Variants in ALMS1 observed in about 807,000 individuals in gnomAD.
ALMS1 encodes the protein ALMS1 centrosome and basal body associated protein, also known as centrosome-associated protein ALMS1.
ALMS1 carries 271 observed loss-of-function variants against 352.2 expected under a neutral mutation model. The observed-to-expected ratio is 0.77, with a 90% confidence interval of 0.70 to 0.85. ALMS1 has a LOEUF of 0.85. Among genes scored for constraint, ALMS1 ranks in the 40% least tolerant of loss-of-function variants. ALMS1 has a pLI of 0.00. For synonymous variants in ALMS1, 1,865 were observed against 1,761.2 expected, an observed-to-expected ratio of 1.06 and a Z score of -1.48; for missense variants, 5,445 against 4,870.7, an observed-to-expected ratio of 1.12 and a Z score of -3.51.
chr2:73,537,727 CCGGG>C (rs1364220504), intron 12 of ALMS1, among the ~76,000 whole-genome samples: 2 of 152,156 alleles, frequency 1.3e-5, no homozygotes, highest in African/African-American at 4.8e-5. Context: ...AATGTCCAGG[CCGGG>C]TGCGGTGGCT....
At chr2:73,521,175 G>C (rs1316899875) in intron 11 of ALMS1, among the ~76,000 whole-genome samples, 1 of 152,026 alleles carries the variant, frequency 6.6e-6, no homozygotes, top group African/African-American at 2.4e-5. Context: ...AAATTATCAC[G>C]AAGAACACCT....
intron 9 of ALMS1, among the ~76,000 whole-genome samples, chr2:73,464,243 C>A (rs1359703177): frequency 6.6e-6 from 1 of 152,144 alleles, no homozygotes; most frequent in African/African-American, 2.4e-5. Flanking sequence ...AAAGCTTATC[C>A]ACCATGATCA....
chr2:73,498,443 TG>T (rs1246442361), intron 10 of ALMS1, among the ~76,000 whole-genome samples: 4 of 152,088 alleles, frequency 2.6e-5, no homozygotes, highest in Non-Finnish European at 4.4e-5. Context: ...TATTTTAAAA[TG>T]TACAGTCATT....
chr2:73,494,123 A>T (rs73947808), intron 10 of ALMS1, among the ~76,000 whole-genome samples: 1 of 152,036 alleles, frequency 6.6e-6, no homozygotes, highest in South Asian at 2.1e-4. Flanking sequence ...ATGACACCTA[A>T]GCTTCCCTTA....
intron 10 of ALMS1, among the ~76,000 whole-genome samples, chr2:73,500,598 AG>A (rs1403021734): frequency 1.3e-5 from 2 of 152,140 alleles, no homozygotes; most frequent in Admixed American, 6.6e-5. Context: ...ATAAGGAAAA[AG>A]GGGATTCCAC....
Position 73,603,285 on chromosome 2 carries a change from A to G in ALMS1, c.12343A>G (p.Met4115Val), listed in dbSNP as rs760436393. Residue 4115 changes from methionine to valine, a missense_variant, in exon 21 of 23, where the codon ATG becomes GTG. Physicochemically the swap from Met to Val is conservative, Grantham distance 21. Transcript: ENST00000613296. ...QKNKPISKKEMIQRSKRIYEQ... is the reference protein window; with the variant it reads ...QKNKPISKKEVIQRSKRIYEQ... ...GAACAAGCCTATCAGCAAGAAGGAAATGATTCAGAGGTCCAAACGGTAAGA... is the reference window on the plus strand; with the variant it reads ...GAACAAGCCTATCAGCAAGAAGGAAGTGATTCAGAGGTCCAAACGGTAAGA... 3.7e-6 allele frequency: 6 copies of G among 1,614,198 alleles called. No individual in the cohort carries two copies. The highest frequency in any genetic ancestry group is 2.2e-5 in the South Asian group (2 of 91,090).
intron 1 of ALMS1, 116 bp downstream of exon 1, chr2:73,386,308 G>A (rs879709360): frequency 5.1e-6 from 7 of 1,364,700 alleles, no homozygotes; most frequent in Non-Finnish European, 6.7e-6. Context: ...GCGCGCAGCT[G>A]AGGCTAGTAG....
Position 73,450,855 on chromosome 2 carries a change from T to G in ALMS1, c.4328T>G (p.Leu1443Trp), listed in dbSNP as rs1671921456. The G allele has an allele frequency of 3.7e-6, 6 of 1,614,144 alleles. No homozygotes were observed. The East Asian group carries it at 1.3e-4, about 36-fold the overall frequency. Residue 1443 changes from leucine to tryptophan, a missense_variant, in exon 8 of 23, where the codon TTG (leucine) becomes TGG (tryptophan). Transcript: ENST00000613296. ...CCTGGTAGTTTCTACCAACAGGTCT[T>G]GCCACATAGTCATCTACCTGAAGAG... ...EKPGSFYQQV[L>W]PHSHLPEEAL... is the part of the protein sequence containing the mutation.
chr2:73,538,126 C>A (rs6729468), intron 12 of ALMS1, among the ~76,000 whole-genome samples: 75,113 of 152,022 alleles, frequency 0.49, 21,474 homozygotes, highest in African/African-American at 0.8. Context: ...TGACTCACAG[C>A]ATAGGAGAAA....
At chr2:73,456,727 G>A (rs1005939667) in intron 9 of ALMS1, 1 of 152,108 alleles carries the variant, frequency 6.6e-6, no homozygotes, top group African/African-American at 2.4e-5. Flanking sequence ...ATATGCTTGT[G>A]AAAAACAAAA....
intron 9 of ALMS1, among the ~76,000 whole-genome samples, chr2:73,482,781 T>G (rs1312780892): frequency 6.6e-6 from 1 of 151,864 alleles, no homozygotes; most frequent in East Asian, 1.9e-4. Context: ...ATTCAGAGAT[T>G]CAACTTCTTC....
chr2:73,391,220 G>A (rs1287346190), intron 1 of ALMS1, among the ~76,000 whole-genome samples: 1 of 149,446 alleles, frequency 6.7e-6, no homozygotes, highest in East Asian at 1.9e-4. Context: ...AACCTCTCCC[G>A]TTTCTGCTCC....
At chr2:73,433,399 A>G (rs1671549598) in intron 7 of ALMS1, among the ~76,000 whole-genome samples, 1 of 152,152 alleles carries the variant, frequency 6.6e-6, no homozygotes, top group South Asian at 2.1e-4. Flanking sequence ...TTGTTATTCT[A>G]GGAGAAAATA....
intron 10 of ALMS1, among the ~76,000 whole-genome samples, chr2:73,512,535 T>C (rs1002266635): frequency 4.6e-5 from 7 of 152,182 alleles, no homozygotes; most frequent in African/African-American, 1.4e-4. Flanking sequence ...AAAATTGTTT[T>C]GCTCATTTTC....
intron 2 of ALMS1, among the ~76,000 whole-genome samples, chr2:73,411,234 A>G (rs1671070133): frequency 6.6e-6 from 1 of 151,772 alleles, no homozygotes; most frequent in Non-Finnish European, 1.5e-5. Flanking sequence ...CCGTGTGAAG[A>G]TGGAGGCAGA....
rs1175450599 is a variant in ALMS1 at position 73,519,913 on chromosome 2, A to G, written c.9678A>G (p.Gly3226=). 9 of 1,614,154 alleles carry G rather than the reference A, an allele frequency of 5.6e-6. No homozygotes were observed. The highest frequency in any genetic ancestry group is 3.3e-5 in the South Asian group (3 of 91,086). ...TTTTTATTAATGCTGAAGATCGTGG[A>G]CATGAAATTATAGAGCCTGGTAACC... ...SEIFINAEDR[G]HEIIEPGNQK... Residue 3226 remains glycine, a synonymous_variant, in exon 11 of 23, where the codon GGA becomes GGG. Transcript: ENST00000613296.
chr2:73,431,052 A>C (rs941892563), intron 6 of ALMS1, among the ~76,000 whole-genome samples: 1 of 152,020 alleles, frequency 6.6e-6, no homozygotes, highest in Non-Finnish European at 1.5e-5. Context: ...GAGTTGGATA[A>C]TTCTTTGTTA....
rs778190181 is a variant in ALMS1, at chr2:73,562,023, TA to T, written c.10384+2890del. On this transcript the variant is annotated intron_variant, in intron 15 of 22. Coordinates refer to ENST00000613296, the MANE Select transcript of ALMS1 (RefSeq NM_001378454.1). ...ATTAGAAGAAAGAGATGAAAGCAAT[TA>T]AAAAAAAATGATGGAATTTGAAGGC... Among the ~76,000 whole-genome samples, 10 of 149,440 alleles carry T rather than the reference TA, an allele frequency of 6.7e-5. No homozygotes were observed. In the East Asian group the frequency reaches 9.9e-4, roughly 15 times the overall value.
Position 73,489,933 on chromosome 2 carries a change from AC to A in ALMS1, c.7976del (p.Pro2659LeufsTer25). On this transcript the variant is annotated frameshift_variant, in exon 10 of 23. Coordinates refer to ENST00000613296, the MANE Select transcript of ALMS1 (RefSeq NM_001378454.1). LOFTEE classifies it high-confidence loss of function. The stretch of plus-strand genomic sequence containing the variant: ...GTCATTCCCCATTTCAGAACTTTAT[AC>A]CTGATGAATTCAAAATCAGCAAAGG... ...KSHSPFQNFI[P>X]DEFKISKGLR... The A allele has an allele frequency of 6.2e-7, 1 of 1,614,226 alleles. No individual in the cohort carries two copies. The highest frequency in any genetic ancestry group is 8.5e-7 in the Non-Finnish European group (1 of 1,180,036).
Sources: gnomAD v4.1 joint callset for allele counts (sites outside exome capture counted in the v4.1 genomes callset) on GRCh38, gnomAD v4.1.1 for gene constraint, MANE v1.5 for transcripts, NCBI Gene and HGNC (gene_info 2026-07-23, HGNC 2026-07-21) for gene names.